The following NCOR2 variants were observed in gnomAD, a reference collection of about 807,000 sequenced individuals.
The protein encoded by NCOR2 is nuclear receptor corepressor 2.
In NCOR2, 81 loss-of-function variants were observed where a neutral mutation model predicts 262.9. The observed-to-expected ratio is 0.31, with a 90% confidence interval of 0.26 to 0.37. NCOR2 has a LOEUF of 0.37. Among genes scored for constraint, NCOR2 ranks in the 10% least tolerant of loss-of-function variants. NCOR2 has a pLI of 1.00. For synonymous variants in NCOR2, 1,659 were observed against 1,559.3 expected (o/e 1.06, Z -1.51); for missense variants, 3,385 against 3,621.4 (o/e 0.93, Z 1.68).
chr12:124,500,778 G>T (rs748397447), intron 1 of NCOR2, among the ~76,000 whole-genome samples: 3 of 152,068 alleles, frequency 2.0e-5, no homozygotes, highest in Non-Finnish European at 4.4e-5. Context: ...TGTGTCTTGA[G>T]CGGCCTGGTT....
At chr12:124,421,305 C>T (rs1339809576) in intron 12 of NCOR2, among the ~76,000 whole-genome samples, 1 of 152,228 alleles carries the variant, frequency 6.6e-6, no homozygotes, top group African/African-American at 2.4e-5. Flanking sequence ...AAGTTTACTC[C>T]CCAGCACAAA....
Position 124,327,399 on chromosome 12 carries a change from G to A in NCOR2, c.7183+10C>T. Reference sequence around the variant, plus strand: ...GACAGACGGGGGCGGGGCGGGGGTGGCCTGCAGACCTGGCGAGGTGAGTGT... The same window carrying A: ...GACAGACGGGGGCGGGGCGGGGGTGACCTGCAGACCTGGCGAGGTGAGTGT... On this transcript the variant is annotated intron_variant, in intron 45 of 46. Coordinates refer to ENST00000405201, the Ensembl canonical transcript of NCOR2. 4 of 1,599,288 alleles carry A rather than the reference G, an allele frequency of 2.5e-6. No individual in the cohort carries two copies. The highest frequency in any genetic ancestry group is 3.4e-6 in the Non-Finnish European group (4 of 1,172,108).
In NCOR2 at chr12:124,335,280, C is replaced by T. The variant is rs201214871; in HGVS notation, c.6266G>A (p.Gly2089Asp). The change falls in exon 40 of 47, where the codon GGC becomes GAC. Residue 2089 changes from glycine to aspartate, a missense_variant and splice_region_variant. Coordinates refer to ENST00000405201, the Ensembl canonical transcript of NCOR2. ...GGCCTCCCCGCCAAGCTTCACGGGG[C>T]CTGCAGGCAGAGCAGAGCTGGTCAG... 3.1e-6 allele frequency: 5 copies of T among 1,594,622 alleles called. No homozygotes were observed. In the Admixed American group the frequency reaches 5.2e-5, roughly 17 times the overall value.
chr12:124,529,111 G>A (rs149465471), intron 1 of NCOR2, among the ~76,000 whole-genome samples: 236 of 149,314 alleles, frequency 1.6e-3, no homozygotes, highest in Non-Finnish European at 2.7e-3. Context: ...CCCGGGAGGC[G>A]GAGGTTGCAG....
At chr12:124,340,875 G>C in intron 34 of NCOR2, 124 bp from the exon 37 acceptor site, 2 of 965,528 alleles carry the variant, frequency 2.1e-6, no homozygotes, top group South Asian at 8.6e-5. Context: ...CTGGTGGCAG[G>C]CACTCCCTCC....
chr12:124,464,164 G>C (rs76268939), intron 5 of NCOR2, among the ~76,000 whole-genome samples: 3 of 151,688 alleles, frequency 2.0e-5, no homozygotes, highest in Non-Finnish European at 4.4e-5. Context: ...CTGAAAAAAG[G>C]GTTTTCAGTA....
intron 1 of NCOR2, among the ~76,000 whole-genome samples, chr12:124,490,841 G>A (rs1394777984): frequency 1.3e-5 from 2 of 152,262 alleles, no homozygotes; most frequent in African/African-American, 4.8e-5. Flanking sequence ...TGGGGTTGGC[G>A]TGACCCTGGC....
At chr12:124,456,923 G>A (rs192013143) in intron 6 of NCOR2, among the ~76,000 whole-genome samples, 183 bp downstream of exon 8, 301 of 86,234 alleles carry the variant, frequency 3.5e-3, no homozygotes, top group African/African-American at 0.013. Flanking sequence ...AGCCAGGCCC[G>A]CCCACCCGCT....
At chr12:124,474,877 C>T (rs2047017350) in intron 3 of NCOR2, among the ~76,000 whole-genome samples, 2 of 152,262 alleles carry the variant, frequency 1.3e-5, no homozygotes, top group Admixed American at 1.3e-4. Context: ...GCCAGGCCAC[C>T]ACCTCCCCGC....
chr12:124,325,105 G>C, exon 47 of NCOR2: 1 of 272,722 alleles, frequency 3.7e-6, no homozygotes. Flanking sequence ...CTGGCCGCCT[G>C]CGTGTGGCTG....
chr12:124,339,866 A>T, intron 37 of NCOR2, 140 bp downstream of exon 39: 1 of 1,026,814 alleles, frequency 9.7e-7, no homozygotes, highest in Non-Finnish European at 1.3e-6. Flanking sequence ...ACTCACACAT[A>T]GTCTATTCTT....
Position 124,332,480 on chromosome 12 carries a change from A to C in NCOR2, c.6756-13T>G. ...GGAGCCCATCCTGCTGTGAGGATCA[A>C]ACACCTCACATCAGCTCACTTGGTG... On this transcript the variant is annotated splice_polypyrimidine_tract_variant and intron_variant, in intron 42 of 46. Coordinates refer to ENST00000405201, the Ensembl canonical transcript of NCOR2. 1 of 1,614,064 alleles carries C rather than the reference A, an allele frequency of 6.2e-7. No individual in the cohort carries two copies. The highest frequency in any genetic ancestry group is 8.5e-7 in the Non-Finnish European group (1 of 1,179,972).
chr12:124,325,535 C>A, exon 47 of NCOR2: 2 of 1,339,234 alleles, frequency 1.5e-6, no homozygotes, highest in South Asian at 4.1e-5. Flanking sequence ...AGCCATGACA[C>A]CCGCCTGCAG....
At chr12:124,372,434 C>A in exon 20 of NCOR2, 2 of 1,478,942 alleles carry the variant, frequency 1.4e-6, no homozygotes, top group African/African-American at 1.4e-5. Context: ...GCTTCAGAGG[C>A]CGGGGTGGGC....
At chr12:124,565,524 G>C (rs1254208002) in intron 1 of NCOR2, among the ~76,000 whole-genome samples, 2 of 151,882 alleles carry the variant, frequency 1.3e-5, no homozygotes, top group Non-Finnish European at 2.9e-5. Flanking sequence ...AGTGGGAAAA[G>C]GCCCCCTCCC....
intron 1 of NCOR2, among the ~76,000 whole-genome samples, chr12:124,550,717 C>A (rs1037337006): frequency 2.0e-5 from 3 of 152,236 alleles, no homozygotes; most frequent in African/African-American, 7.2e-5. Context: ...AAACCACATG[C>A]CCAGCCTGGC....
At chr12:124,487,643 C>T (rs2047843340) in intron 1 of NCOR2, among the ~76,000 whole-genome samples, 1 of 152,250 alleles carries the variant, frequency 6.6e-6, no homozygotes, top group Non-Finnish European at 1.5e-5. Flanking sequence ...CTATGAGGCC[C>T]CAGCTGTCTT....
At chr12:124,338,764 T>C (rs1421659076) in intron 37 of NCOR2, among the ~76,000 whole-genome samples, 2 of 151,928 alleles carry the variant, frequency 1.3e-5, no homozygotes, top group Non-Finnish European at 2.9e-5. Flanking sequence ...CTCCACAGAT[T>C]CTATTCTCAA....
intron 1 of NCOR2, among the ~76,000 whole-genome samples, chr12:124,490,886 C>G (rs1332426116): frequency 6.6e-6 from 1 of 152,248 alleles, no homozygotes; most frequent in Non-Finnish European, 1.5e-5. Context: ...CTGACCCTGC[C>G]GGACTGGGCC....
Sources: allele counts gnomAD v4.1 joint callset (sites outside exome capture counted in the v4.1 genomes callset), GRCh38; gene constraint gnomAD v4.1.1; transcripts MANE v1.5; gene names NCBI Gene and HGNC (gene_info 2026-07-23, HGNC 2026-07-21).